The following SULF2 variants were observed in gnomAD, a reference collection of about 807,000 sequenced individuals.
The protein encoded by SULF2 is sulfatase 2.
Under a neutral mutation model 107.7 loss-of-function variants are expected in SULF2, and 52 were observed. The ratio of observed to expected loss-of-function variants is 0.48; its 90% CI spans 0.39 to 0.61. SULF2 has a LOEUF of 0.61. SULF2 is among the 20% of genes least tolerant of loss of function. The pLI is 0.00. For synonymous variants in SULF2, 460 were observed against 464.3 expected (o/e 0.99, Z 0.12); for missense variants, 993 against 1,177.3 (o/e 0.84, Z 2.29).
intron 3 of SULF2, among the ~76,000 whole-genome samples, chr20:47,714,822 C>A (rs1290415866): frequency 1.3e-5 from 2 of 152,226 alleles, no homozygotes; most frequent in African/African-American, 4.8e-5. Context: ...CTCATACCTG[C>A]CCCAGGGCCT....
chr20:47,753,734 C>A (rs2146887616), intron 2 of SULF2, among the ~76,000 whole-genome samples: 1 of 152,370 alleles, frequency 6.6e-6, no homozygotes, highest in South Asian at 2.1e-4. Context: ...AGGCCAGAAC[C>A]ATGTCTTAAT....
chr20:47,720,826 C>T (rs1264297405), intron 3 of SULF2, among the ~76,000 whole-genome samples: 2 of 152,098 alleles, frequency 1.3e-5, no homozygotes, highest in African/African-American at 2.4e-5. Context: ...CTGGGGCTCC[C>T]GGTCTGGGCA....
chr20:47,687,565 C>A (rs1050228609), intron 5 of SULF2, among the ~76,000 whole-genome samples: 1 of 152,162 alleles, frequency 6.6e-6, no homozygotes, highest in Admixed American at 6.5e-5. Flanking sequence ...AATCAGCGCC[C>A]TTTGAAGGGA....
At chr20:47,690,779 G>A (rs1458709577) in intron 4 of SULF2, among the ~76,000 whole-genome samples, 1 of 150,462 alleles carries the variant, frequency 6.6e-6, no homozygotes, top group East Asian at 2.0e-4. Context: ...TGAGGCAGGA[G>A]AATCGCTTGA....
intron 1 of SULF2, among the ~76,000 whole-genome samples, chr20:47,782,144 C>A (rs940120396): frequency 7.2e-5 from 11 of 152,296 alleles, no homozygotes; most frequent in African/African-American, 2.4e-4. Flanking sequence ...CCATTTGCAA[C>A]TTGCACACAG....
At chr20:47,670,987 T>C (rs1183061383) in intron 11 of SULF2, among the ~76,000 whole-genome samples, 1 of 151,584 alleles carries the variant, frequency 6.6e-6, no homozygotes, top group Non-Finnish European at 1.5e-5. Context: ...GGCACACTTC[T>C]AGCCGGCGGA....
Position 47,658,205 on chromosome 20 carries a change from C to A in SULF2, c.*157G>T. 1 of 733,504 alleles carries A rather than the reference C, an allele frequency of 1.4e-6. No homozygotes were observed. Among genetic ancestry groups the A allele is most frequent in the Non-Finnish European group, 2.4e-6 (1 of 416,478 alleles). 45.4% of individuals were successfully genotyped at this position (733,504 alleles called of 1,614,324 possible). On this transcript the variant is annotated 3_prime_UTR_variant, in exon 21 of 21. Transcript: ENST00000688720. ...AGTTATCTCTGCTCCTGCTGGTTAT[C>A]CTCCAGAATCTGTCATGTTGACTGA...
intron 5 of SULF2, 174 bp from the exon 6 acceptor site, chr20:47,684,755 CCTGTTT>C (rs1470984925): frequency 1.7e-6 from 1 of 580,336 alleles, no homozygotes; most frequent in African/African-American, 1.9e-5. Flanking sequence ...TTATCCAAAC[CCTGTTT>C]CAGCGTTTCT....
chr20:47,675,505 C>T (rs571138698), intron 10 of SULF2, among the ~76,000 whole-genome samples: 46 of 152,330 alleles, frequency 3.0e-4, no homozygotes, highest in Admixed American at 2.7e-3. Context: ...TGGGCCTGTA[C>T]TAATTCTGTG....
chr20:47,752,579 A>C (rs1368998940), intron 2 of SULF2, among the ~76,000 whole-genome samples: 9 of 151,590 alleles, frequency 5.9e-5, no homozygotes, highest in Non-Finnish European at 7.4e-5. Flanking sequence ...AAAAAAAAAA[A>C]AAAACCCCAA....
At chr20:47,724,466 G>A (rs1164339791) in intron 3 of SULF2, among the ~76,000 whole-genome samples, 1 of 152,218 alleles carries the variant, frequency 6.6e-6, no homozygotes, top group Non-Finnish European at 1.5e-5. Flanking sequence ...CTGGGTGTTG[G>A]TGGCATGGAG....
At position 47,678,254 on chromosome 20, in the gene SULF2, G is replaced by C. The variant is rs909896855; in HGVS notation, c.1193+422C>G. 1 of 160,142 alleles carries C rather than the reference G, an allele frequency of 6.2e-6. No homozygotes were observed. Among genetic ancestry groups the C allele is most frequent in the Non-Finnish European group, 1.4e-5 (1 of 73,000 alleles). The allele number at this position is 160,142 out of a possible 1,614,324, so 9.9% of individuals were successfully genotyped here. On this transcript the variant is annotated intron_variant, in intron 8 of 20. Transcript: ENST00000688720. This position sits in a 1 kb window ranked among gnomAD's most constrained non-coding sequence, Gnocchi z 4.5. ...TCCGACACGTCACTCAATCGCTTTG[G>C]GATTCAGATTCCAAACTGGTAAAAT...
In SULF2 at chr20:47,757,329, G is replaced by A; in HGVS notation, c.35C>T (p.Ser12Phe). The A allele has an allele frequency of 1.2e-6, 2 of 1,603,594 alleles. No homozygotes were observed. The highest frequency in any genetic ancestry group is 1.7e-6 in the Non-Finnish European group (2 of 1,174,838). Residue 12 changes from serine to phenylalanine, a missense_variant, in exon 2 of 21, where the codon TCC becomes TTC. Physicochemically the swap from Ser to Phe is radical, Grantham distance 155 (BLOSUM62 -2). Coordinates refer to ENST00000688720, the MANE Select transcript of SULF2 (RefSeq NM_001387048.1). ...ACCCAGCAGGGAGAACACAGTTGCG[G>A]ACAGCAAGCACAGCACGAGGCTCGG... ...GPPSLVLCLLSATVFSLLGGS... is the reference protein window; with the variant it reads ...GPPSLVLCLLFATVFSLLGGS...
chr20:47,773,787 G>C (rs770603103), intron 1 of SULF2, among the ~76,000 whole-genome samples: 4 of 152,206 alleles, frequency 2.6e-5, no homozygotes, highest in Non-Finnish European at 5.9e-5. Flanking sequence ...TGCCACAGTG[G>C]GGACTGACAA....
At chr20:47,721,617 G>A (rs1481263563) in intron 3 of SULF2, among the ~76,000 whole-genome samples, 1 of 152,096 alleles carries the variant, frequency 6.6e-6, no homozygotes, top group African/African-American at 2.4e-5. Context: ...TGATCCACCC[G>A]CCTCAGCCTC....
intron 2 of SULF2, among the ~76,000 whole-genome samples, chr20:47,741,696 C>T (rs572652361): frequency 2.0e-5 from 3 of 152,158 alleles, no homozygotes; most frequent in Non-Finnish European, 2.9e-5. Context: ...GTCCCAAACA[C>T]GAAGGAGAAA....
chr20:47,729,346 G>A (rs115877407), intron 3 of SULF2, among the ~76,000 whole-genome samples: 7,448 of 152,234 alleles, frequency 0.049, 186 homozygotes, highest in African/African-American at 0.068. Flanking sequence ...GGAGGGCTCT[G>A]CCCAGAGGAG....
chr20:47,665,314 G>GT, intron 13 of SULF2, 21 bp from the exon 14 acceptor site: 1 of 1,516,094 alleles, frequency 6.6e-7, no homozygotes, highest in South Asian at 1.1e-5. Flanking sequence ...GGCAGAAGAG[G>GT]AGGCCTTGAA....
intron 4 of SULF2, among the ~76,000 whole-genome samples, chr20:47,698,678 C>T (rs1435984668): frequency 6.6e-6 from 1 of 152,046 alleles, no homozygotes; most frequent in African/African-American, 2.4e-5. Flanking sequence ...TTGATTAAGC[C>T]ACTGGGAGTT....
Sources: gnomAD v4.1 joint callset for allele counts (sites outside exome capture counted in the v4.1 genomes callset) on GRCh38, gnomAD v4.1.1 for gene constraint, Gnocchi (gnomAD v3.1) non-coding constraint, MANE v1.5 for transcripts, NCBI Gene and HGNC (gene_info 2026-07-23, HGNC 2026-07-21) for gene names.